Variants in AK8 observed in about 807,000 individuals in gnomAD.
AK8 encodes ATP-AMP transphosphorylase 8.
In AK8, 44 loss-of-function variants were observed where a neutral mutation model predicts 54.6. The ratio of observed to expected loss-of-function variants is 0.81; its 90% confidence interval spans 0.63 to 1.04. The LOEUF (loss-of-function observed/expected upper bound fraction) is 1.04. Ranked by LOEUF, AK8 falls within the 50% of genes least tolerant of loss-of-function variation. The pLI, the probability that AK8 is intolerant of heterozygous loss-of-function variation, is 0.00. For synonymous variants in AK8, 239 were observed against 245.6 expected, an observed-to-expected ratio of 0.97 and a Z score of 0.25; for missense variants, 555 against 613.6, an observed-to-expected ratio of 0.90 and a Z score of 1.01.
rs1241524416 is a variant in AK8 at position 132,801,081 on chromosome 9, G to C, written c.980-8306C>G. Among the ~76,000 whole-genome samples, 4 of 152,006 alleles carry C rather than the reference G, an allele frequency of 2.6e-5. No homozygotes were observed. The East Asian group carries it at 7.7e-4, about 29-fold the overall frequency. On this transcript the variant is annotated intron_variant, in intron 10 of 12. Transcript: ENST00000298545. ...CTGGGATTACAGAAGTGCGCCACCA[G>C]GCCCGGCTAATTTTTTTTGTATTTT...
chr9:132,847,027 C>G (rs919391330), intron 5 of AK8, among the ~76,000 whole-genome samples: 2 of 152,236 alleles, frequency 1.3e-5, no homozygotes, highest in Non-Finnish European at 2.9e-5. Context: ...CTGGGCCTGC[C>G]TGCTCTCCTG....
At chr9:132,767,179 G>T (rs1022578461) in intron 11 of AK8, among the ~76,000 whole-genome samples, 2 of 152,148 alleles carry the variant, frequency 1.3e-5, no homozygotes, top group African/African-American at 4.8e-5. Flanking sequence ...AAACAACAGA[G>T]TGAAGAGACA....
At chr9:132,778,021 G>A (rs1177648074) in intron 11 of AK8, among the ~76,000 whole-genome samples, 2 of 152,312 alleles carry the variant, frequency 1.3e-5, no homozygotes, top group Non-Finnish European at 2.9e-5. Flanking sequence ...GCTGCATCAC[G>A]GCCCATGCGA....
At chr9:132,808,723 C>T (rs1840844739) in intron 10 of AK8, among the ~76,000 whole-genome samples, 2 of 152,086 alleles carry the variant, frequency 1.3e-5, no homozygotes, top group African/African-American at 4.8e-5. Context: ...GGCAGGGATG[C>T]ACAATAACAA....
chr9:132,854,469 G>A (rs929333723), intron 5 of AK8, among the ~76,000 whole-genome samples: 1 of 152,184 alleles, frequency 6.6e-6, no homozygotes, highest in Admixed American at 6.5e-5. Flanking sequence ...GGTCTGGCAG[G>A]AGATCAAAGG....
intron 5 of AK8, among the ~76,000 whole-genome samples, chr9:132,842,053 T>A (rs185184176): frequency 6.6e-6 from 1 of 152,252 alleles, no homozygotes; most frequent in East Asian, 1.9e-4. Flanking sequence ...AATTTTAGAA[T>A]ACAAGGAAGA....
intron 4 of AK8, among the ~76,000 whole-genome samples, 172 bp downstream of exon 4, chr9:132,863,493 A>AATT (rs1843471929): frequency 6.6e-6 from 1 of 152,222 alleles, no homozygotes; most frequent in Non-Finnish European, 1.5e-5. Flanking sequence ...CCCAGTAAAG[A>AATT]ATTATCTTCT....
intron 11 of AK8, among the ~76,000 whole-genome samples, chr9:132,746,772 C>CG (rs891762810): frequency 2.0e-4 from 30 of 152,140 alleles, no homozygotes; most frequent in Admixed American, 6.5e-4. Context: ...CAGGAACCCC[C>CG]GGGCCACACG....
chr9:132,756,694 C>T (rs1038766789), intron 11 of AK8, among the ~76,000 whole-genome samples: 3 of 152,168 alleles, frequency 2.0e-5, no homozygotes, highest in Non-Finnish European at 2.9e-5. Context: ...CTCTTTGAAG[C>T]TCAAAATGGG....
intron 5 of AK8, among the ~76,000 whole-genome samples, chr9:132,842,613 T>C (rs1018501139): frequency 1.3e-5 from 2 of 152,240 alleles, no homozygotes; most frequent in African/African-American, 4.8e-5. Flanking sequence ...CCTTTTCCAC[T>C]GCTGCATAAC....
Position 132,826,777 on chromosome 9 carries a change from G to A in AK8, c.757+77C>T. 6.7e-7 allele frequency: 1 copy of A among 1,500,764 alleles called. No individual in the cohort carries two copies. The highest frequency in any genetic ancestry group is 1.4e-5 in the African/African-American group (1 of 72,500). 93.0% of individuals were successfully genotyped at this position (1,500,764 alleles called of 1,614,324 possible). On this transcript the variant is annotated intron_variant, in intron 8 of 12. Coordinates refer to ENST00000298545, the MANE Select transcript of AK8 (RefSeq NM_152572.3). The surrounding 1 kb of genome is among the most constrained non-coding windows in gnomAD (Gnocchi z 4.5). Reference sequence around the variant, plus strand: ...CAGACACTGGCCACTACCAGAATAAGGGACAAAGTGGTAGAAGGCACAGCG... The same window carrying A: ...CAGACACTGGCCACTACCAGAATAAAGGACAAAGTGGTAGAAGGCACAGCG...
intron 5 of AK8, among the ~76,000 whole-genome samples, chr9:132,830,760 T>C (rs1442351632): frequency 6.6e-6 from 1 of 152,258 alleles, no homozygotes; most frequent in African/African-American, 2.4e-5. Flanking sequence ...TGTGTGGTGT[T>C]GCTTTTAACA....
chr9:132,756,620 A>G (rs968064756), intron 11 of AK8, among the ~76,000 whole-genome samples: 1 of 152,202 alleles, frequency 6.6e-6, no homozygotes, highest in African/African-American at 2.4e-5. Flanking sequence ...GCACCCTCTC[A>G]CGGGAAATGC....
intron 2 of AK8, among the ~76,000 whole-genome samples, chr9:132,870,521 G>A (rs192891611): frequency 4.5e-4 from 68 of 152,254 alleles, no homozygotes; most frequent in Middle Eastern, 3.4e-3. Context: ...GATAAAAAAC[G>A]AAACATACCA....
At chr9:132,852,769 CAAAAAAAA>C (rs35786801) in intron 5 of AK8, among the ~76,000 whole-genome samples, 4 of 16,416 alleles carry the variant, frequency 2.4e-4, no homozygotes, top group African/African-American at 3.9e-4. Context: ...GATTAGGTCT[CAAAAAAAA>C]AAAAAAAAAA....
chr9:132,846,742 A>G (rs739919), intron 5 of AK8, among the ~76,000 whole-genome samples: 85,394 of 152,060 alleles, frequency 0.56, 26,636 homozygotes, highest in East Asian at 0.8. Context: ...TGGGCTGCAT[A>G]GCACAGCCCT....
At chr9:132,831,879 A>AC (rs1321632184) in intron 5 of AK8, among the ~76,000 whole-genome samples, 4 of 149,660 alleles carry the variant, frequency 2.7e-5, no homozygotes, top group Non-Finnish European at 4.4e-5. Flanking sequence ...ACACAATGAG[A>AC]CCCCCCCACT....
intron 11 of AK8, among the ~76,000 whole-genome samples, chr9:132,739,347 C>T (rs1240680598): frequency 7.1e-6 from 1 of 140,472 alleles, no homozygotes; most frequent in Non-Finnish European, 1.5e-5. Context: ...GAGACTGAGG[C>T]AGGAGAATCG....
rs1056299316 is a variant in AK8 at position 132,865,258 on chromosome 9, C to T, written c.220-1480G>A. ...ACTGACAGAAGGGTGAGCAGATGGACAGATGAGTAGAACAGCTATGCTAAC... is the reference window on the plus strand; with the variant it reads ...ACTGACAGAAGGGTGAGCAGATGGATAGATGAGTAGAACAGCTATGCTAAC... On this transcript the variant is annotated intron_variant, in intron 3 of 12. Coordinates refer to ENST00000298545, the MANE Select transcript of AK8 (RefSeq NM_152572.3). Among the ~76,000 whole-genome samples, 13 of 152,202 alleles carry T rather than the reference C, an allele frequency of 8.5e-5. 1 individual carries two copies. The highest frequency in any genetic ancestry group is 6.5e-5 in the Admixed American group (1 of 15,280).
Sources: allele counts gnomAD v4.1 joint callset (sites outside exome capture counted in the v4.1 genomes callset), GRCh38; gene constraint gnomAD v4.1.1; non-coding constraint Gnocchi (gnomAD v3.1); transcripts MANE v1.5; gene names NCBI Gene and HGNC (gene_info 2026-07-23, HGNC 2026-07-21).